The following HPSE2 variants were observed in gnomAD, a reference collection of about 807,000 sequenced individuals.
HPSE2 encodes inactive heparanase-2.
In HPSE2, 38 loss-of-function variants were observed where a neutral mutation model predicts 60.5. The observed-to-expected ratio is 0.63, with a 90% CI of 0.48 to 0.82. HPSE2 has a LOEUF of 0.82. HPSE2 is among the 40% of genes least tolerant of loss of function. The probability of loss-of-function intolerance (pLI) is 0.00; values close to 1 mark genes in which losing one functional copy is unlikely to be tolerated. For synonymous variants in HPSE2, 295 were observed against 293.2 expected (o/e 1.01, Z -0.06); for missense variants, 713 against 740.4 (o/e 0.96, Z 0.43).
At chr10:99,305,975 G>GCACACACACACACA in the HPSE2 span, among the ~76,000 whole-genome samples, 66 of 48,116 alleles carry the variant, frequency 1.4e-3, no homozygotes, top group Admixed American at 1.9e-3. Flanking sequence ...GCGCGCGCGC[G>GCACACACACACACA]CGCGCACACA....
intron 6 of HPSE2, among the ~76,000 whole-genome samples, chr10:98,651,652 T>C (rs17461984): frequency 0.027 from 4,104 of 152,312 alleles, 74 homozygotes; most frequent in Non-Finnish European, 0.044. Flanking sequence ...TATCAGCATG[T>C]TATCTTCTTC....
chr10:98,595,859 G>GT (rs1161690502), intron 9 of HPSE2, among the ~76,000 whole-genome samples: 1 of 152,054 alleles, frequency 6.6e-6, no homozygotes, highest in Non-Finnish European at 1.5e-5. Flanking sequence ...GGACTCTATT[G>GT]TTTTGCGATA....
upstream of HPSE2, among the ~76,000 whole-genome samples, chr10:99,240,659 G>T (rs377650726): frequency 4.6e-5 from 7 of 151,968 alleles, no homozygotes; most frequent in African/African-American, 1.7e-4. Context: ...CGATCTGCCC[G>T]CCTCGGCTTC....
chr10:99,176,727 C>G (rs1847540394), intron 2 of HPSE2, among the ~76,000 whole-genome samples: 1 of 151,922 alleles, frequency 6.6e-6, no homozygotes, highest in Non-Finnish European at 1.5e-5. Flanking sequence ...CTTCCTCAAC[C>G]TAGCAAGACA....
At chr10:98,861,584 T>C (rs1017680831) in intron 3 of HPSE2, among the ~76,000 whole-genome samples, 2 of 152,220 alleles carry the variant, frequency 1.3e-5, no homozygotes, top group African/African-American at 4.8e-5. Flanking sequence ...TATTACTTAT[T>C]ATTTTCTACA....
At chr10:99,171,546 A>T (rs1181666271) in intron 2 of HPSE2, among the ~76,000 whole-genome samples, 1 of 152,134 alleles carries the variant, frequency 6.6e-6, no homozygotes, top group East Asian at 1.9e-4. Context: ...AGAGGACCCT[A>T]AAAAAACAAC....
At chr10:99,014,861 A>C (rs1957101486) in intron 3 of HPSE2, among the ~76,000 whole-genome samples, 1 of 152,218 alleles carries the variant, frequency 6.6e-6, no homozygotes. Flanking sequence ...CAGCAAAAGA[A>C]ACTACCATCA....
At chr10:98,847,096 C>T (rs746845857) in intron 3 of HPSE2, among the ~76,000 whole-genome samples, 11 of 152,160 alleles carry the variant, frequency 7.2e-5, no homozygotes, top group Non-Finnish European at 1.5e-4. Context: ...TTCAGTTCAC[C>T]ATTTACCTTC....
intron 4 of HPSE2, among the ~76,000 whole-genome samples, chr10:98,723,956 C>T (rs1948998780): frequency 2.0e-5 from 3 of 152,126 alleles, no homozygotes; most frequent in Admixed American, 1.3e-4. Context: ...TTTTGTGTCT[C>T]TATTTCCTTC....
At chr10:99,072,647 C>A (rs780087031) in intron 3 of HPSE2, among the ~76,000 whole-genome samples, 2 of 152,020 alleles carry the variant, frequency 1.3e-5, no homozygotes, top group Non-Finnish European at 2.9e-5. Flanking sequence ...AAAAGTCAGC[C>A]GGGCATGGCG....
the HPSE2 span, among the ~76,000 whole-genome samples, chr10:99,248,705 A>G: frequency 1.3e-5 from 2 of 152,254 alleles, no homozygotes; most frequent in Non-Finnish European, 2.9e-5. Flanking sequence ...GGCATTTCAG[A>G]GACCTTTGTG....
chr10:98,547,546 A>G (rs1398215779), intron 9 of HPSE2, among the ~76,000 whole-genome samples: 1 of 147,588 alleles, frequency 6.8e-6, no homozygotes, highest in African/African-American at 2.5e-5. Flanking sequence ...TCAGTAAACT[A>G]TCGCAAGGAC....
chr10:99,048,037 G>T, intron 3 of HPSE2: 1 of 688,530 alleles, frequency 1.5e-6, no homozygotes, highest in South Asian at 1.5e-5. Flanking sequence ...TTAATATGCT[G>T]TGGACTATAG....
the HPSE2 span, among the ~76,000 whole-genome samples, chr10:99,277,958 G>A: frequency 2.0e-5 from 3 of 151,912 alleles, no homozygotes; most frequent in Non-Finnish European, 1.5e-5. Flanking sequence ...TTAGCTTGGC[G>A]TGGTGGTGCG....
chr10:99,036,769 C>A (rs1301171575), intron 3 of HPSE2, among the ~76,000 whole-genome samples: 1 of 152,134 alleles, frequency 6.6e-6, no homozygotes, highest in African/African-American at 2.4e-5. Context: ...GCCCAAGATA[C>A]TTATTAATTA....
At chr10:99,254,349 A>G in the HPSE2 span, among the ~76,000 whole-genome samples, 3 of 152,336 alleles carry the variant, frequency 2.0e-5, no homozygotes, top group Admixed American at 2.0e-4. Context: ...AACATTGGGT[A>G]CTCATGGACA....
At position 98,771,427 on chromosome 10, in the gene HPSE2, C is replaced by A. The variant is rs1950238365; in HGVS notation, c.611-27371G>T. 2.6e-5 allele frequency among the ~76,000 whole-genome samples: 4 copies of A among 152,150 alleles called. No individual in the cohort carries two copies. The South Asian group carries it at 8.3e-4, about 32-fold the overall frequency. Reference sequence around the variant, plus strand: ...CACCCTTCCCTAATAAGAGGTAGCACCTGCCCTGTGTTGGAAAACCTGGCA... The same window carrying A: ...CACCCTTCCCTAATAAGAGGTAGCAACTGCCCTGTGTTGGAAAACCTGGCA... On this transcript the variant is annotated intron_variant, in intron 3 of 11. Coordinates refer to ENST00000370552, the MANE Select transcript of HPSE2 (RefSeq NM_021828.5).
intron 5 of HPSE2, among the ~76,000 whole-genome samples, chr10:98,713,998 T>C (rs906336406): frequency 3.3e-5 from 5 of 151,994 alleles, no homozygotes; most frequent in African/African-American, 1.2e-4. Flanking sequence ...CCTTTACTTT[T>C]ATATTGCCAA....
chr10:98,891,976 G>T (rs1178979043), intron 3 of HPSE2, among the ~76,000 whole-genome samples: 1 of 151,946 alleles, frequency 6.6e-6, no homozygotes, highest in Non-Finnish European at 1.5e-5. Context: ...TCATCATGTT[G>T]CCCAGGCTGG....
Sources: allele counts gnomAD v4.1 joint callset (sites outside exome capture counted in the v4.1 genomes callset), GRCh38; gene constraint gnomAD v4.1.1; transcripts MANE v1.5; gene names NCBI Gene and HGNC (gene_info 2026-07-23, HGNC 2026-07-21).